The following TC2N variants were observed in gnomAD, a reference collection of about 807,000 sequenced individuals.
TC2N encodes tandem C2 domains nuclear protein.
In TC2N, 51 loss-of-function variants were observed where a neutral mutation model predicts 61.9. That is an observed-to-expected ratio of 0.82 (90% CI 0.66 to 1.04). The LOEUF (loss-of-function observed/expected upper bound fraction) is 1.04, where lower values mean the gene tolerates loss of function less well. Ranked by LOEUF, TC2N falls within the 50% of genes least tolerant of loss-of-function variation. The pLI is 0.00. For synonymous variants in TC2N, 204 were observed against 192.6 expected (o/e 1.06, Z -0.49); for missense variants, 556 against 566.7 (o/e 0.98, Z 0.19).
At chr14:91,855,656 T>C (rs1888468833) in intron 1 of TC2N, among the ~76,000 whole-genome samples, 1 of 152,232 alleles carries the variant, frequency 6.6e-6, no homozygotes, top group South Asian at 2.1e-4. Context: ...CACATAGACA[T>C]ATATTTTCAG....
intron 9 of TC2N, among the ~76,000 whole-genome samples, chr14:91,788,900 T>C (rs1885493326): frequency 6.6e-6 from 1 of 152,222 alleles, no homozygotes; most frequent in Non-Finnish European, 1.5e-5. Context: ...TTTATTGCTT[T>C]TGACTGTAAT....
At chr14:91,790,078 T>G (rs1264456276) in intron 9 of TC2N, among the ~76,000 whole-genome samples, 1 of 152,148 alleles carries the variant, frequency 6.6e-6, no homozygotes, top group Non-Finnish European at 1.5e-5. Flanking sequence ...GTTCCCCTGA[T>G]CTCCACAAAA....
At chr14:91,828,459 TTA>T (rs201863671) in intron 1 of TC2N, among the ~76,000 whole-genome samples, 1,641 of 152,078 alleles carry the variant, frequency 0.011, 29 homozygotes, top group African/African-American at 0.038. Flanking sequence ...AACTTTACAT[TTA>T]TGTTTATATT....
At chr14:91,786,132 C>T (rs936954648) in intron 10 of TC2N, among the ~76,000 whole-genome samples, 8 of 152,052 alleles carry the variant, frequency 5.3e-5, no homozygotes, top group East Asian at 3.9e-4. Flanking sequence ...GGCTGAGATC[C>T]GACCGTCAGA....
intron 3 of TC2N, among the ~76,000 whole-genome samples, chr14:91,804,666 G>T (rs1040707457): frequency 3.3e-5 from 5 of 152,064 alleles, no homozygotes; most frequent in African/African-American, 1.2e-4. Context: ...AAAGAATACA[G>T]ACTGAATAAA....
chr14:91,793,734 T>C (rs931033836), intron 8 of TC2N, among the ~76,000 whole-genome samples: 1 of 152,092 alleles, frequency 6.6e-6, no homozygotes, highest in Non-Finnish European at 1.5e-5. Context: ...GTTCCATCTC[T>C]CTCCCTCTCC....
intron 1 of TC2N, among the ~76,000 whole-genome samples, chr14:91,832,173 G>A (rs149825148): frequency 0.044 from 6,650 of 152,196 alleles, 231 homozygotes; most frequent in South Asian, 0.069. Context: ...TGGATCACCT[G>A]AGGTCAGGAG....
chr14:91,846,101 C>G (rs913706621), intron 1 of TC2N, among the ~76,000 whole-genome samples: 2 of 152,128 alleles, frequency 1.3e-5, no homozygotes, highest in Admixed American at 1.3e-4. Flanking sequence ...CAGGGAAGTA[C>G]CCTGAAATCC....
chr14:91,838,696 A>G (rs1279491764), intron 1 of TC2N, among the ~76,000 whole-genome samples: 2 of 152,218 alleles, frequency 1.3e-5, no homozygotes, highest in Non-Finnish European at 2.9e-5. Flanking sequence ...ACTGATGCAG[A>G]AGTACCAAGA....
intron 2 of TC2N, among the ~76,000 whole-genome samples, chr14:91,813,154 T>A (rs1466129966): frequency 6.6e-6 from 1 of 151,716 alleles, no homozygotes; most frequent in African/African-American, 2.4e-5. Flanking sequence ...GAAATAAAAG[T>A]GCCAGAGAAG....
intron 1 of TC2N, among the ~76,000 whole-genome samples, chr14:91,823,462 G>C (rs1887349684): frequency 6.6e-6 from 1 of 151,662 alleles, no homozygotes; most frequent in African/African-American, 2.4e-5. Flanking sequence ...GGAGGTTGCA[G>C]TGAGCCGAGA....
intron 1 of TC2N, among the ~76,000 whole-genome samples, chr14:91,864,779 T>A: frequency 5.5e-4 from 1 of 1,820 alleles, no homozygotes; most frequent in Non-Finnish European, 2.9e-3. Context: ...GCCTTCATCT[T>A]TTTTTTTTTT....
At chr14:91,808,056 C>T (rs561829561) in intron 3 of TC2N, among the ~76,000 whole-genome samples, 1 of 152,154 alleles carries the variant, frequency 6.6e-6, no homozygotes, top group Non-Finnish European at 1.5e-5. Flanking sequence ...GTAAGACATG[C>T]CTTTCACCTT....
intron 1 of TC2N, among the ~76,000 whole-genome samples, chr14:91,818,567 G>C (rs1210476254): frequency 6.7e-6 from 1 of 150,310 alleles, no homozygotes; most frequent in African/African-American, 2.4e-5. Flanking sequence ...ATAATGAAGA[G>C]GAAAAAAAAA....
At chr14:91,864,777 C>CTT (rs5810557) in intron 1 of TC2N, among the ~76,000 whole-genome samples, 49 of 70,730 alleles carry the variant, frequency 6.9e-4, no homozygotes, top group African/African-American at 1.4e-3. Flanking sequence ...CTGCCTTCAT[C>CTT]TTTTTTTTTT....
Position 91,837,415 on chromosome 14 carries a change from T to G in TC2N, c.-56-23590A>C, listed in dbSNP as rs932257958. 3.3e-5 allele frequency among the ~76,000 whole-genome samples: 5 copies of G among 152,132 alleles called. No individual in the cohort carries two copies. Among genetic ancestry groups the G allele is most frequent in the East Asian group, 3.8e-4 (2 of 5,196 alleles). On this transcript the variant is annotated intron_variant, in intron 1 of 11. Coordinates refer to ENST00000435962, the MANE Select transcript of TC2N (RefSeq NM_001128596.3). The surrounding 1 kb of genome is among the most constrained non-coding windows in gnomAD (Gnocchi z 4.2). ...TTTAATTTTTTGTAGAGATGAAGTC[T>G]TATTATATGGCCCAGGCTAGTCTTG...
At chr14:91,829,374 C>T (rs1038048572) in intron 1 of TC2N, among the ~76,000 whole-genome samples, 1 of 151,932 alleles carries the variant, frequency 6.6e-6, no homozygotes, top group African/African-American at 2.4e-5. Context: ...TTATATTTTC[C>T]ATTTCTGTCT....
At chr14:91,809,269 G>A (rs1400855706) in intron 3 of TC2N, among the ~76,000 whole-genome samples, 1 of 152,100 alleles carries the variant, frequency 6.6e-6, no homozygotes, top group Non-Finnish European at 1.5e-5. Context: ...CTAGCTGGGT[G>A]TGGTGGTGTG....
intron 1 of TC2N, among the ~76,000 whole-genome samples, chr14:91,862,963 A>T (rs906589607): frequency 6.6e-6 from 1 of 152,218 alleles, no homozygotes; most frequent in African/African-American, 2.4e-5. Context: ...CTCCTTGACT[A>T]ATTATGGTTT....
Sources: gnomAD v4.1 joint callset for allele counts (sites outside exome capture counted in the v4.1 genomes callset) on GRCh38, gnomAD v4.1.1 for gene constraint, Gnocchi (gnomAD v3.1) non-coding constraint, MANE v1.5 for transcripts, NCBI Gene and HGNC (gene_info 2026-07-23, HGNC 2026-07-21) for gene names.